EDAR: variants seen among roughly 807,000 people sequenced by gnomAD.
EDAR encodes the protein tumor necrosis factor receptor superfamily member EDAR.
A neutral mutation model predicts 51.3 loss-of-function variants in EDAR; 38 were observed. The ratio of observed to expected loss-of-function variants is 0.74; its 90% CI spans 0.57 to 0.97. The LOEUF (loss-of-function observed/expected upper bound fraction) is 0.97, where lower values mean the gene tolerates loss of function less well. EDAR is among the 50% of genes least tolerant of loss of function. The pLI, the probability that EDAR is intolerant of heterozygous loss-of-function variation, is 0.00. For missense variants in EDAR, 528 were observed against 595.0 expected, an observed-to-expected ratio of 0.89 and a Z score of 1.17; for synonymous variants, 227 against 242.1, an observed-to-expected ratio of 0.94 and a Z score of 0.58.
chr2:108,931,270 C>G (rs958813729), intron 1 of EDAR, among the ~76,000 whole-genome samples: 1 of 152,236 alleles, frequency 6.6e-6, no homozygotes, highest in African/African-American at 2.4e-5. Flanking sequence ...AGGCTAGGAG[C>G]ACACGGAGGG....
intron 1 of EDAR, among the ~76,000 whole-genome samples, chr2:108,966,524 T>C (rs1698153878): frequency 6.6e-6 from 1 of 152,238 alleles, no homozygotes; most frequent in Admixed American, 6.5e-5. Context: ...CCATACCCTG[T>C]GCTCTTTCAA....
intron 1 of EDAR, among the ~76,000 whole-genome samples, chr2:108,970,439 G>C (rs1698214994): frequency 6.6e-6 from 1 of 152,112 alleles, no homozygotes; most frequent in Non-Finnish European, 1.5e-5. Context: ...ATGAAGTGAG[G>C]AGGATCCTGA....
intron 1 of EDAR, among the ~76,000 whole-genome samples, chr2:108,986,085 A>G (rs1484927082): frequency 6.6e-6 from 1 of 152,178 alleles, no homozygotes; most frequent in African/African-American, 2.4e-5. Context: ...CAATGATGAA[A>G]AATTAAATAT....
intron 5 of EDAR, among the ~76,000 whole-genome samples, chr2:108,918,173 G>A (rs566942100): frequency 6.6e-6 from 1 of 152,312 alleles, no homozygotes; most frequent in Admixed American, 6.5e-5. Flanking sequence ...GGGGTCCACA[G>A]ACAAACCAGG....
chr2:108,967,959 G>C (rs1698175780), intron 1 of EDAR, among the ~76,000 whole-genome samples: 1 of 152,198 alleles, frequency 6.6e-6, no homozygotes, highest in Non-Finnish European at 1.5e-5. Flanking sequence ...CCCAGCCACA[G>C]GGGTAGAAAA....
intron 1 of EDAR, among the ~76,000 whole-genome samples, chr2:108,943,440 G>A (rs1410729447): frequency 6.6e-6 from 1 of 152,090 alleles, no homozygotes; most frequent in Non-Finnish European, 1.5e-5. Flanking sequence ...CAATCACACC[G>A]TATTCATCTC....
intron 5 of EDAR, among the ~76,000 whole-genome samples, chr2:108,913,624 A>G (rs187750612): frequency 2.6e-5 from 4 of 152,048 alleles, no homozygotes; most frequent in African/African-American, 9.6e-5. Flanking sequence ...TTATACATAT[A>G]AATATTGTTG....
chr2:108,962,705 A>AGG (rs1698075221), intron 1 of EDAR, among the ~76,000 whole-genome samples: 4 of 135,052 alleles, frequency 3.0e-5, no homozygotes, highest in Admixed American at 7.4e-5. Context: ...AAAAAAAGAG[A>AGG]GAAAGGAATG....
chr2:108,977,552 G>A (rs1251951922), intron 1 of EDAR, among the ~76,000 whole-genome samples: 1 of 152,164 alleles, frequency 6.6e-6, no homozygotes, highest in African/African-American at 2.4e-5. Flanking sequence ...TTACAGGCGT[G>A]AGCCACCGAG....
chr2:108,947,579 T>C (rs945081828), intron 1 of EDAR, among the ~76,000 whole-genome samples: 1 of 152,190 alleles, frequency 6.6e-6, no homozygotes, highest in East Asian at 1.9e-4. Context: ...AATTCTTGTC[T>C]TCTGCACCCC....
intron 9 of EDAR, among the ~76,000 whole-genome samples, chr2:108,909,937 A>G (rs1696885677): frequency 1.3e-5 from 2 of 152,192 alleles, no homozygotes; most frequent in South Asian, 4.1e-4. Context: ...TCAGTGTGGT[A>G]TCCTATAAAC....
intron 5 of EDAR, among the ~76,000 whole-genome samples, chr2:108,914,738 C>T (rs142163812): frequency 1.9e-4 from 29 of 152,288 alleles, no homozygotes; most frequent in Non-Finnish European, 3.7e-4. Flanking sequence ...TGGAGAAATC[C>T]GTGAAGTGCA....
intron 1 of EDAR, among the ~76,000 whole-genome samples, chr2:108,958,421 A>C (rs201802131): frequency 6.6e-6 from 1 of 151,058 alleles, no homozygotes; most frequent in African/African-American, 2.5e-5. Context: ...AAAAAAAAAC[A>C]AAAAACAAAA....
At chr2:108,944,142 C>G (rs566731566) in intron 1 of EDAR, among the ~76,000 whole-genome samples, 1 of 152,304 alleles carries the variant, frequency 6.6e-6, no homozygotes, top group South Asian at 2.1e-4. Flanking sequence ...GAGACAGAGT[C>G]TCGCTCTGTC....
At chr2:108,901,755 T>C (rs1292241516) in intron 11 of EDAR, among the ~76,000 whole-genome samples, 1 of 152,192 alleles carries the variant, frequency 6.6e-6, no homozygotes, top group African/African-American at 2.4e-5. Flanking sequence ...TTACCCAATA[T>C]AAAATAGATC....
chr2:108,974,536 C>A (rs902550247), intron 1 of EDAR, among the ~76,000 whole-genome samples: 1 of 151,328 alleles, frequency 6.6e-6, no homozygotes, highest in Non-Finnish European at 1.5e-5. Context: ...TGGAGACCAG[C>A]CTGACCAACA....
intron 1 of EDAR, among the ~76,000 whole-genome samples, chr2:108,968,931 A>G (rs1364089153): frequency 6.6e-6 from 1 of 152,206 alleles, no homozygotes; most frequent in Non-Finnish European, 1.5e-5. Flanking sequence ...AAAGACAACC[A>G]CAAAGATTGT....
At chr2:108,917,815 C>T (rs1269069828) in intron 5 of EDAR, among the ~76,000 whole-genome samples, 2 of 152,198 alleles carry the variant, frequency 1.3e-5, no homozygotes, top group South Asian at 2.1e-4. Flanking sequence ...AAGTGCCAAC[C>T]TTGGGCAGCA....
intron 1 of EDAR, among the ~76,000 whole-genome samples, chr2:108,937,783 A>G (rs896796801): frequency 1.3e-5 from 2 of 152,064 alleles, no homozygotes; most frequent in Non-Finnish European, 2.9e-5. Context: ...ATGTGTGTGT[A>G]TGTGGCAAAC....
Sources: allele counts gnomAD v4.1 joint callset (sites outside exome capture counted in the v4.1 genomes callset), GRCh38; gene constraint gnomAD v4.1.1; transcripts MANE v1.5; gene names NCBI Gene and HGNC (gene_info 2026-07-23, HGNC 2026-07-21).